The following TVP23B variants were observed in gnomAD, a reference collection of about 807,000 sequenced individuals.
The protein encoded by TVP23B is trans-golgi network vesicle protein 23 homolog B.
In TVP23B, 10 loss-of-function variants were observed where a neutral mutation model predicts 30.6. The observed-to-expected ratio is 0.33, with a 90% confidence interval of 0.20 to 0.55. The LOEUF (loss-of-function observed/expected upper bound fraction) is 0.55, where lower values mean the gene tolerates loss of function less well. Ranked by LOEUF, TVP23B falls within the 20% of genes least tolerant of loss-of-function variation. TVP23B has a pLI of 0.91. For missense variants in TVP23B, 153 were observed against 243.2 expected, an observed-to-expected ratio of 0.63 and a Z score of 2.47; for synonymous variants, 67 against 83.1, an observed-to-expected ratio of 0.81 and a Z score of 1.06.
chr17:18,789,234 C>T, intron 1 of TVP23B, 119 bp from the exon 2 acceptor site: 1 of 1,431,470 alleles, frequency 7.0e-7, no homozygotes, highest in Non-Finnish European at 9.5e-7. Flanking sequence ...TTTTGAATTC[C>T]TGATGCTGTA....
rs76854830 is a variant in TVP23B at position 18,797,280 on chromosome 17, G to C, written c.241-299G>C. Reference sequence around the variant, plus strand: ...GGTCACAGTAACCAAATAGCAAGGGGTTTAGGGAAAATTAGGGAACTGGAG... The same window carrying C: ...GGTCACAGTAACCAAATAGCAAGGGCTTTAGGGAAAATTAGGGAACTGGAG... On this transcript the variant is annotated intron_variant, in intron 3 of 6. Transcript: ENST00000307767. The C allele has an allele frequency of 1.0e-4, 32 of 316,562 alleles. No individual in the cohort carries two copies. In the East Asian group the frequency reaches 2.1e-3, roughly 20 times the overall value. The allele number at this position is 316,562 out of a possible 1,614,324, so 19.6% of individuals were successfully genotyped here. A position where few individuals can be genotyped will look rare whatever the true frequency, so the allele number is the denominator to read the frequency against.
chr17:18,792,753 G>T (rs1453504651), intron 3 of TVP23B, among the ~76,000 whole-genome samples: 2 of 151,912 alleles, frequency 1.3e-5, no homozygotes, highest in Non-Finnish European at 1.5e-5. Context: ...TTTTATCCTT[G>T]GCAAAACTAC....
Position 18,781,224 on chromosome 17 carries a change from A to G in TVP23B, c.-70A>G. On this transcript the variant is annotated 5_prime_UTR_variant, in exon 1 of 7. Coordinates refer to ENST00000307767, the MANE Select transcript of TVP23B (RefSeq NM_016078.6). ...CTGGCCCTTGGTGACGGGTCGCCTC[A>G]GTTCCGACCCGGACCCGTACGCTGC... 3 of 1,548,906 alleles carry G rather than the reference A, an allele frequency of 1.9e-6. No homozygotes were observed. The highest frequency in any genetic ancestry group is 3.9e-5 in the Admixed American group (2 of 50,912).
Position 18,790,479 on chromosome 17 carries a change from AGAAAAG to A in TVP23B, c.96-416_96-411del, listed in dbSNP as rs1454568562. Among the ~76,000 whole-genome samples, 13 of 38,074 alleles carry A rather than the reference AGAAAAG, an allele frequency of 3.4e-4. No individual in the cohort carries two copies. In the East Asian group the frequency reaches 7.6e-3, roughly 22 times the overall value. The allele number at this position is 38,074 out of a possible 152,430, so 25.0% of individuals were successfully genotyped here. The stretch of plus-strand genomic sequence containing the variant: ...ACTCCGTCTCAAAAAAAAAAAAAAA[AGAAAAG>A]AAAGAAAGAAACAAACTACCTGATA... On this transcript the variant is annotated intron_variant, in intron 2 of 6. Coordinates refer to ENST00000307767, the MANE Select transcript of TVP23B (RefSeq NM_016078.6).
chr17:18,786,684 C>CTAAT (rs1212826849), intron 1 of TVP23B, among the ~76,000 whole-genome samples: 1 of 152,170 alleles, frequency 6.6e-6, no homozygotes, highest in Admixed American at 6.5e-5. Context: ...AAAAAGCATT[C>CTAAT]TAATTGTAGC....
chr17:18,785,926 A>G (rs2035898859), intron 1 of TVP23B, among the ~76,000 whole-genome samples: 1 of 152,026 alleles, frequency 6.6e-6, no homozygotes, highest in African/African-American at 2.4e-5. Flanking sequence ...TACTGTTGTA[A>G]AGTTCTGGTG....
At chr17:18,791,759 A>G (rs1202831942) in intron 3 of TVP23B, among the ~76,000 whole-genome samples, 3 of 152,130 alleles carry the variant, frequency 2.0e-5, no homozygotes, top group Non-Finnish European at 4.4e-5. Context: ...ATGGTTTCAA[A>G]CTCAAGAACA....
chr17:18,781,230 G>A lies in TVP23B; in HGVS notation c.-64G>A. On this transcript the variant is annotated 5_prime_UTR_variant, in exon 1 of 7. Transcript: ENST00000307767. ...CTTGGTGACGGGTCGCCTCAGTTCC[G>A]ACCCGGACCCGTACGCTGCTGCGCT... is the stretch of plus-strand genomic sequence containing the variant. 1 of 1,550,406 alleles carries A rather than the reference G, an allele frequency of 6.4e-7. No individual in the cohort carries two copies. The highest frequency in any genetic ancestry group is 2.0e-5 in the Admixed American group (1 of 51,074).
At chr17:18,788,833 T>C (rs1041206584) in intron 1 of TVP23B, among the ~76,000 whole-genome samples, 1 of 151,700 alleles carries the variant, frequency 6.6e-6, no homozygotes, top group African/African-American at 2.4e-5. Context: ...TAGAAGAAAG[T>C]GTAAATACAG....
chr17:18,789,460 C>T lies in TVP23B; in HGVS notation c.95+25C>T, dbSNP rs370092491. 12 of 1,613,794 alleles carry T rather than the reference C, an allele frequency of 7.4e-6. No homozygotes were observed. In the African/African-American group the frequency reaches 1.2e-4, roughly 16 times the overall value. Reference sequence around the variant, plus strand: ...GGTAGGAGGAGAGAAGTTGCATGAGCTGTGTTAGTGTCCAGTGCTGTTCTG... The same window carrying T: ...GGTAGGAGGAGAGAAGTTGCATGAGTTGTGTTAGTGTCCAGTGCTGTTCTG... On this transcript the variant is annotated intron_variant, in intron 2 of 6. Coordinates refer to ENST00000307767, the MANE Select transcript of TVP23B (RefSeq NM_016078.6).
chr17:18,784,801 C>T (rs1327376427), intron 1 of TVP23B, among the ~76,000 whole-genome samples: 11 of 152,216 alleles, frequency 7.2e-5, no homozygotes, highest in Non-Finnish European at 1.5e-4. Flanking sequence ...TTCCTTGGTA[C>T]TTCTTTTTCA....
rs113876902 is a variant in TVP23B at position 18,784,145 on chromosome 17, A to AAAACAAACAAAC, written c.12+2852_12+2863dup. On this transcript the variant is annotated intron_variant, in intron 1 of 6. Transcript: ENST00000307767. Reference sequence around the variant, plus strand: ...GGGCGACAGAGCCAGACTCCGTCTCAAAACAAACAAACAAACAAACAAAAC... The same window carrying AAAACAAACAAAC: ...GGGCGACAGAGCCAGACTCCGTCTCAAAACAAACAAACAAACAAACAAACAAACAAACAAAAC... Among the ~76,000 whole-genome samples, 979 of 151,100 alleles carry AAAACAAACAAAC rather than the reference A, an allele frequency of 6.5e-3. 5 individuals are homozygous for AAAACAAACAAAC. Among genetic ancestry groups the AAAACAAACAAAC allele is most frequent in the Non-Finnish European group, 0.011 (721 of 67,656 alleles).
chr17:18,781,272 G>C lies in TVP23B; in HGVS notation c.-22G>C. 1 of 1,567,612 alleles carries C rather than the reference G, an allele frequency of 6.4e-7. No homozygotes were observed. The highest frequency in any genetic ancestry group is 8.6e-7 in the Non-Finnish European group (1 of 1,157,184). On this transcript the variant is annotated 5_prime_UTR_variant, in exon 1 of 7. Transcript: ENST00000307767. ...TGCTGCGCTGACGTGGCTCCCGGAAGTAGGGCTGGCGTAGGGCCGCCATGT... is the reference window on the plus strand; with the variant it reads ...TGCTGCGCTGACGTGGCTCCCGGAACTAGGGCTGGCGTAGGGCCGCCATGT...
At chr17:18,786,090 C>G (rs1175782768) in intron 1 of TVP23B, among the ~76,000 whole-genome samples, 1 of 152,202 alleles carries the variant, frequency 6.6e-6, no homozygotes, top group Non-Finnish European at 1.5e-5. Context: ...ATCTCTGTCT[C>G]TCATCTCTAC....
intron 5 of TVP23B, among the ~76,000 whole-genome samples, chr17:18,802,171 A>G (rs148896720): frequency 2.0e-3 from 311 of 152,262 alleles, no homozygotes; most frequent in African/African-American, 7.0e-3. Context: ...GCAGTGAGCC[A>G]AGATCGTGCC....
chr17:18,795,125 C>T (rs1274004538), intron 3 of TVP23B, among the ~76,000 whole-genome samples: 1 of 138,394 alleles, frequency 7.2e-6, no homozygotes, highest in Non-Finnish European at 1.5e-5. Flanking sequence ...TCCTGGGGTT[C>T]AAGCCATTCT....
intron 3 of TVP23B, chr17:18,796,998 C>G (rs1046706667): frequency 1.3e-5 from 2 of 155,214 alleles, no homozygotes; most frequent in African/African-American, 4.8e-5. Context: ...CATTGGTTGT[C>G]TGCCTCTCTT....
At chr17:18,787,576 A>G in intron 1 of TVP23B, among the ~76,000 whole-genome samples, 1 of 152,118 alleles carries the variant, frequency 6.6e-6, no homozygotes, top group East Asian at 1.9e-4. Context: ...CTATTTCAGT[A>G]TTTGAGCTAA....
At chr17:18,783,292 G>C (rs895622245) in intron 1 of TVP23B, among the ~76,000 whole-genome samples, 17 of 152,182 alleles carry the variant, frequency 1.1e-4, no homozygotes, top group Admixed American at 1.0e-3. Flanking sequence ...TTTTAGTAGA[G>C]ATGGGGTTTC....
Sources: gnomAD v4.1 joint callset for allele counts (sites outside exome capture counted in the v4.1 genomes callset) on GRCh38, gnomAD v4.1.1 for gene constraint, MANE v1.5 for transcripts, NCBI Gene and HGNC (gene_info 2026-07-23, HGNC 2026-07-21) for gene names.